IL12B: variants seen among roughly 807,000 people sequenced by gnomAD.
The protein encoded by IL12B is interleukin 12B.
In IL12B, 27 loss-of-function variants were observed where a neutral mutation model predicts 39.2. That is an observed-to-expected ratio of 0.69 (90% CI 0.51 to 0.95). The LOEUF is 0.95. IL12B is among the 40% of genes least tolerant of loss of function. The pLI is 0.00. For synonymous variants in IL12B, 142 were observed against 152.1 expected (o/e 0.93, Z 0.49); for missense variants, 351 against 397.6 (o/e 0.88, Z 1.00).
intron 5 of IL12B, 24 bp downstream of exon 5, chr5:159,320,282 C>A (rs943164532): frequency 6.3e-7 from 1 of 1,584,324 alleles, no homozygotes; most frequent in South Asian, 1.1e-5. Flanking sequence ...CCTTATGGAG[C>A]ACATATAATC....
intron 3 of IL12B, 58 bp downstream of exon 3, chr5:159,322,996 G>T (rs1435451714): frequency 6.5e-7 from 1 of 1,534,048 alleles, no homozygotes; most frequent in Non-Finnish European, 9.0e-7. Context: ...TGTTGTTGTT[G>T]TTTTTAACTC....
chr5:159,324,707 T>C (rs1309892458), intron 2 of IL12B, among the ~76,000 whole-genome samples: 1 of 152,218 alleles, frequency 6.6e-6, no homozygotes, highest in Non-Finnish European at 1.5e-5. Flanking sequence ...ATCTTTAAAA[T>C]GAGAAAAATA....
At chr5:159,317,848 G>T (rs183659150) in intron 6 of IL12B, among the ~76,000 whole-genome samples, 1 of 152,324 alleles carries the variant, frequency 6.6e-6, no homozygotes, top group East Asian at 1.9e-4. Context: ...CCTCTATCAG[G>T]ACTAATTCTG....
chr5:159,330,180 C>T (rs1189936021), intron 1 of IL12B, among the ~76,000 whole-genome samples: 2 of 152,170 alleles, frequency 1.3e-5, no homozygotes, highest in African/African-American at 4.8e-5. Flanking sequence ...CAAACATTTC[C>T]ACAAACTATG....
At chr5:159,323,970 T>A (rs1168728937) in intron 2 of IL12B, among the ~76,000 whole-genome samples, 1 of 151,970 alleles carries the variant, frequency 6.6e-6, no homozygotes, top group Non-Finnish European at 1.5e-5. Flanking sequence ...GTGTTAGTTA[T>A]CGTTACTTAT....
intron 6 of IL12B, among the ~76,000 whole-genome samples, chr5:159,317,810 C>T (rs1754014495): frequency 6.6e-6 from 1 of 152,224 alleles, no homozygotes; most frequent in African/African-American, 2.4e-5. Context: ...GTTGAAACAA[C>T]AATTTTAGGC....
intron 2 of IL12B, among the ~76,000 whole-genome samples, chr5:159,326,477 C>A (rs1382540693): frequency 6.6e-6 from 1 of 152,292 alleles, no homozygotes; most frequent in South Asian, 2.1e-4. Context: ...TCTTTCCCCA[C>A]CATAGTGTAC....
In IL12B at chr5:159,316,806, A is replaced by C. The variant is rs779642242; in HGVS notation, c.866T>G (p.Val289Gly). Residue 289 changes from valine (V) to glycine (G), a missense_variant, in exon 7 of 8, where the codon GTC becomes GGC. By Grantham distance (109) the Val-to-Gly change is moderately radical. Transcript: ENST00000231228. ...GKSKREKKDR[V>G]FTDKTSATVI... is the part of the protein sequence containing the mutation. ...CGTGGCTGAGGTCTTGTCCGTGAAG[A>C]CTCTATCTTTCTGCAAAAGAGAAGG... is the stretch of plus-strand genomic sequence containing the variant. 6.2e-7 allele frequency: 1 copy of C among 1,613,866 alleles called. No individual in the cohort carries two copies.
At chr5:159,323,370 A>G in intron 2 of IL12B, 41 bp from the exon 3 acceptor site, 1 of 1,600,492 alleles carries the variant, frequency 6.2e-7, no homozygotes, top group Non-Finnish European at 8.5e-7. Context: ...TGTAAGCTCC[A>G]GGAACTCTGG....
At position 159,323,377 on chromosome 5, in the gene IL12B, C is replaced by A. The variant is rs368447540; in HGVS notation, c.89-48G>T. The A allele has an allele frequency of 1.9e-6, 3 of 1,588,262 alleles. No homozygotes were observed. In the South Asian group the frequency reaches 3.3e-5, roughly 18 times the overall value. On this transcript the variant is annotated intron_variant, in intron 2 of 7. Coordinates refer to ENST00000231228, the MANE Select transcript of IL12B (RefSeq NM_002187.3). The stretch of plus-strand genomic sequence containing the variant: ...AACCAGGCTGTAAGCTCCAGGAACT[C>A]TGGGACTGTGTTTTATTAACCCTTC...
chr5:159,324,361 T>TC (rs1196198322), intron 2 of IL12B, among the ~76,000 whole-genome samples: 1 of 152,154 alleles, frequency 6.6e-6, no homozygotes, highest in Non-Finnish European at 1.5e-5. Flanking sequence ...GCTTCATTCA[T>TC]TTTTTTAATC....
rs748707765 is a variant in IL12B at position 159,322,545 on chromosome 5, G to A, written c.365-34C>T. 7.2e-6 allele frequency: 10 copies of A among 1,392,848 alleles called. No individual in the cohort carries two copies. The Admixed American group carries it at 8.4e-5, about 12-fold the overall frequency. The allele number at this position is 1,392,848 out of a possible 1,614,324, so 86.3% of individuals were successfully genotyped here. ...GAAAAAAACAAAAATTCAATATTTAGGAGTTTTTTGCAGAAAGGTTTTGAT... is the reference window on the plus strand; with the variant it reads ...GAAAAAAACAAAAATTCAATATTTAAGAGTTTTTTGCAGAAAGGTTTTGAT... On this transcript the variant is annotated intron_variant, in intron 3 of 7. Coordinates refer to ENST00000231228, the MANE Select transcript of IL12B (RefSeq NM_002187.3).
intron 2 of IL12B, 127 bp from the exon 3 acceptor site, chr5:159,323,456 G>A (rs1754135288): frequency 4.5e-6 from 4 of 879,164 alleles, no homozygotes; most frequent in Non-Finnish European, 1.8e-6. Flanking sequence ...TTTGGCAAAT[G>A]CTTGCTGAGA....
rs56064925 is a variant in IL12B, at chr5:159,316,699, C to T, written c.973G>A (p.Val325Met). Residue 325 changes from valine (V) to methionine (M), a missense_variant, in exon 7 of 8, where the codon GTG becomes ATG. Physicochemically the swap from Val to Met is conservative, Grantham distance 21. Transcript: ENST00000231228. ...GGCCTGCTCACCTAACTGCAGGGCA[C>T]AGATGCCCATTCGCTCCAAGATGAG... is the stretch of plus-strand genomic sequence containing the variant. ...YSSSWSEWAS[V>M]PCS is the part of the protein sequence containing the mutation. 5.8e-5 allele frequency: 94 copies of T among 1,613,240 alleles called. No individual in the cohort carries two copies. Among genetic ancestry groups the T allele is most frequent in the Middle Eastern group, 3.5e-4 (2 of 5,784 alleles).
intron 1 of IL12B, among the ~76,000 whole-genome samples, chr5:159,328,840 A>T (rs1316779778): frequency 6.6e-6 from 1 of 151,946 alleles, no homozygotes; most frequent in African/African-American, 2.4e-5. Context: ...CTAAGAAGCA[A>T]CTCCCATTTT....
Position 159,320,411 on chromosome 5 carries a change from C to T in IL12B, c.592G>A (p.Ala198Thr). The change falls in exon 5 of 8, where the codon GCC (alanine) becomes ACC (threonine). Residue 198 changes from alanine to threonine, a missense_variant. Physicochemically the swap from Ala to Thr is moderately conservative, Grantham distance 58 (BLOSUM62 0). Coordinates refer to ENST00000231228, the MANE Select transcript of IL12B (RefSeq NM_002187.3). ...AGACTCTCCTCAGCAGCTGGGCAGGCACTGTCCTCCTGGCACTCCACTGAG... is the reference window on the plus strand; with the variant it reads ...AGACTCTCCTCAGCAGCTGGGCAGGTACTGTCCTCCTGGCACTCCACTGAG... ...EYSVECQEDS[A>T]CPAAEESLPI... 2 of 1,614,100 alleles carry T rather than the reference C, an allele frequency of 1.2e-6. No individual in the cohort carries two copies. Among genetic ancestry groups the T allele is most frequent in the Non-Finnish European group, 1.7e-6 (2 of 1,179,934 alleles).
At chr5:159,325,879 A>G (rs1754180037) in intron 2 of IL12B, among the ~76,000 whole-genome samples, 1 of 152,260 alleles carries the variant, frequency 6.6e-6, no homozygotes, top group Non-Finnish European at 1.5e-5. Context: ...AGGTACAGCC[A>G]ACGGTCAGAA....
At chr5:159,324,999 G>A (rs1320222843) in intron 2 of IL12B, among the ~76,000 whole-genome samples, 1 of 151,518 alleles carries the variant, frequency 6.6e-6, no homozygotes, top group Non-Finnish European at 1.5e-5. Context: ...TTGTCCCCCT[G>A]ACACCTGAAG....
At chr5:159,321,400 C>T (rs1457587382) in intron 4 of IL12B, among the ~76,000 whole-genome samples, 4 of 150,998 alleles carry the variant, frequency 2.6e-5, no homozygotes, top group Admixed American at 2.0e-4. Flanking sequence ...TGTATACACA[C>T]ATTATATATA....
Sources: gnomAD v4.1 joint callset for allele counts (sites outside exome capture counted in the v4.1 genomes callset) on GRCh38, gnomAD v4.1.1 for gene constraint, MANE v1.5 for transcripts, NCBI Gene and HGNC (gene_info 2026-07-23, HGNC 2026-07-21) for gene names.